Variants in NSMCE2 observed in about 807,000 individuals in gnomAD.
The protein encoded by NSMCE2 is NSE2 SUMO ligase component of SMC5/6 complex.
NSMCE2 carries 24 observed loss-of-function variants against 23.8 expected under a neutral mutation model. The observed-to-expected ratio is 1.01, with a 90% CI of 0.73 to 1.42. The LOEUF is 1.42. NSMCE2 is among the 40% of genes most tolerant of loss of function. The pLI is 0.00. For missense variants in NSMCE2, 284 were observed against 296.5 expected (o/e 0.96, Z 0.31); for synonymous variants, 92 against 94.1 (o/e 0.98, Z 0.13).
At chr8:125,332,237 A>G (rs1829907514) in intron 5 of NSMCE2, among the ~76,000 whole-genome samples, 1 of 152,374 alleles carries the variant, frequency 6.6e-6, no homozygotes, top group Admixed American at 6.5e-5. Flanking sequence ...TGAGAATTCT[A>G]TAAAGGGCAT....
At chr8:125,339,484 CA>C (rs1830165798) in intron 5 of NSMCE2, among the ~76,000 whole-genome samples, 1 of 152,086 alleles carries the variant, frequency 6.6e-6, no homozygotes, top group Admixed American at 6.6e-5. Flanking sequence ...GCTTACATTT[CA>C]GGAGACATTT....
At position 125,205,632 on chromosome 8, in the gene NSMCE2, G is replaced by C. The variant is rs1338537361; in HGVS notation, c.418+23376G>C. On this transcript the variant is annotated intron_variant, in intron 5 of 7. Coordinates refer to ENST00000287437, the MANE Select transcript of NSMCE2 (RefSeq NM_173685.4). ...TCTTACTCCATTTTCAGAATACCAA[G>C]TTGTGAGAAGCAGCGAGCTATTCTT... Among the ~76,000 whole-genome samples, 4 of 152,272 alleles carry C rather than the reference G, an allele frequency of 2.6e-5. No homozygotes were observed. In the South Asian group the frequency reaches 8.3e-4, roughly 32 times the overall value.
intron 5 of NSMCE2, among the ~76,000 whole-genome samples, chr8:125,194,328 G>A (rs1823503760): frequency 6.6e-6 from 1 of 152,072 alleles, no homozygotes; most frequent in Non-Finnish European, 1.5e-5. Context: ...CCAGAATGTT[G>A]TATAGGTAGA....
At chr8:125,365,317 A>G (rs191359194) in intron 7 of NSMCE2, among the ~76,000 whole-genome samples, 20 of 152,186 alleles carry the variant, frequency 1.3e-4, no homozygotes, top group African/African-American at 3.9e-4. Context: ...CAGCCACTCC[A>G]TCGGCAAGTC....
chr8:125,331,216 C>T (rs554968862), intron 5 of NSMCE2, among the ~76,000 whole-genome samples: 45 of 152,124 alleles, frequency 3.0e-4, no homozygotes, highest in Non-Finnish European at 5.4e-4. Flanking sequence ...AGGAGAATGG[C>T]GTGAACCCGG....
chr8:125,172,418 C>CT (rs1403578079), intron 4 of NSMCE2, among the ~76,000 whole-genome samples: 1 of 152,212 alleles, frequency 6.6e-6, no homozygotes, highest in Admixed American at 6.5e-5. Flanking sequence ...TCTGTGTACA[C>CT]TTTTTTCCAA....
Position 125,272,755 on chromosome 8 carries a change from G to GTA in NSMCE2, c.419-84453_419-84452dup, listed in dbSNP as rs374934126. ...CACACACACACATATATATACACAC[G>GTA]TATATATATATACACACACACGTAT... On this transcript the variant is annotated intron_variant, in intron 5 of 7. Transcript: ENST00000287437. Among the ~76,000 whole-genome samples, 342 of 123,928 alleles carry GTA rather than the reference G, an allele frequency of 2.8e-3. 20 individuals are homozygous for GTA. Among genetic ancestry groups the GTA allele is most frequent in the Middle Eastern group, 9.3e-3 (2 of 216 alleles). 81.3% of individuals were successfully genotyped at this position (123,928 alleles called of 152,430 possible).
At chr8:125,260,835 G>C (rs1232419095) in intron 5 of NSMCE2, among the ~76,000 whole-genome samples, 1 of 151,766 alleles carries the variant, frequency 6.6e-6, no homozygotes, top group Non-Finnish European at 1.5e-5. Flanking sequence ...TGTTGGCCAG[G>C]CTGATCTTTA....
In NSMCE2 at chr8:125,281,465, G is replaced by A. The variant is rs562154755; in HGVS notation, c.419-75754G>A. Among the ~76,000 whole-genome samples, 3 of 151,996 alleles carry A rather than the reference G, an allele frequency of 2.0e-5. No individual in the cohort carries two copies. The South Asian group carries it at 6.2e-4, about 32-fold the overall frequency. ...AGGGTGATTTTTTTTTTCTAGAGAGGGTCTTGCTCTGTTGCCCAGGTTGGA... is the reference window on the plus strand; with the variant it reads ...AGGGTGATTTTTTTTTTCTAGAGAGAGTCTTGCTCTGTTGCCCAGGTTGGA... On this transcript the variant is annotated intron_variant, in intron 5 of 7. Transcript: ENST00000287437.
intron 4 of NSMCE2, among the ~76,000 whole-genome samples, chr8:125,170,183 A>G (rs1822109649): frequency 6.6e-6 from 1 of 151,916 alleles, no homozygotes; most frequent in Admixed American, 6.6e-5. Context: ...TCTCATAGGC[A>G]TTGCACATTT....
chr8:125,339,801 G>A (rs1315913471), intron 5 of NSMCE2, among the ~76,000 whole-genome samples: 2 of 151,996 alleles, frequency 1.3e-5, no homozygotes, highest in African/African-American at 2.4e-5. Flanking sequence ...CCTGGTGCCC[G>A]TCACACTATG....
At chr8:125,240,606 C>A (rs1825732868) in intron 5 of NSMCE2, among the ~76,000 whole-genome samples, 1 of 152,194 alleles carries the variant, frequency 6.6e-6, no homozygotes, top group Non-Finnish European at 1.5e-5. Context: ...AATCTTCCTG[C>A]AGCCCTTTAA....
In NSMCE2 at chr8:125,170,376, C is replaced by CTTTTTTTTTTTTT. The variant is rs565593006; in HGVS notation, c.265-11700_265-11688dup. 7.9e-4 allele frequency among the ~76,000 whole-genome samples: 30 copies of CTTTTTTTTTTTTT among 37,862 alleles called. 5 individuals carry two copies. The highest frequency in any genetic ancestry group is 4.2e-3 in the South Asian group (3 of 706). 24.8% of individuals were successfully genotyped at this position (37,862 alleles called of 152,430 possible). Reference sequence around the variant, plus strand: ...CATCAATAAACCTTACTCTTTATTTCTTTTTTTTTTTTTTTTTTTTTTTTT... The same window carrying CTTTTTTTTTTTTT: ...CATCAATAAACCTTACTCTTTATTTCTTTTTTTTTTTTTTTTTTTTTTTTTTTTTTTTTTTTTT... On this transcript the variant is annotated intron_variant, in intron 4 of 7. Transcript: ENST00000287437.
chr8:125,230,612 C>T (rs1488448468), intron 5 of NSMCE2, among the ~76,000 whole-genome samples: 1 of 152,150 alleles, frequency 6.6e-6, no homozygotes, highest in Non-Finnish European at 1.5e-5. Flanking sequence ...AATTTTTACT[C>T]AACACCAGAT....
chr8:125,291,555 G>T (rs1828106305), intron 5 of NSMCE2, among the ~76,000 whole-genome samples: 2 of 152,072 alleles, frequency 1.3e-5, no homozygotes, highest in Admixed American at 1.3e-4. Context: ...TCACACAATG[G>T]GAAAGACATG....
intron 5 of NSMCE2, among the ~76,000 whole-genome samples, chr8:125,304,413 T>A (rs1378952109): frequency 6.6e-6 from 1 of 152,120 alleles, no homozygotes; most frequent in East Asian, 1.9e-4. Flanking sequence ...GAGAGATGAC[T>A]TCAGTGCCCC....
At chr8:125,319,655 C>T (rs1157406758) in intron 5 of NSMCE2, among the ~76,000 whole-genome samples, 2 of 151,984 alleles carry the variant, frequency 1.3e-5, no homozygotes, top group African/African-American at 2.4e-5. Context: ...AGCTTAGACA[C>T]TGCAGAAGAG....
chr8:125,170,216 G>A lies in NSMCE2; in HGVS notation c.265-11887G>A, dbSNP rs1055939551. On this transcript the variant is annotated intron_variant, in intron 4 of 7. Transcript: ENST00000287437. ...TTTAACCTTCCAAAACTAAACTCTT[G>A]TTTTTCTCCAAAACCAGCTGTTCCT... Among the ~76,000 whole-genome samples, 4 of 151,578 alleles carry A rather than the reference G, an allele frequency of 2.6e-5. No homozygotes were observed. The South Asian group carries it at 6.3e-4, about 24-fold the overall frequency.
intron 5 of NSMCE2, among the ~76,000 whole-genome samples, chr8:125,198,364 C>T (rs561391925): frequency 1.3e-5 from 2 of 152,190 alleles, no homozygotes; most frequent in African/African-American, 2.4e-5. Flanking sequence ...TATGTTGCAT[C>T]GATACCTAGT....
Sources: gnomAD v4.1 joint callset for allele counts (sites outside exome capture counted in the v4.1 genomes callset) on GRCh38, gnomAD v4.1.1 for gene constraint, MANE v1.5 for transcripts, NCBI Gene and HGNC (gene_info 2026-07-23, HGNC 2026-07-21) for gene names.